Variants in MMUT observed in about 807,000 individuals in gnomAD.
MMUT encodes the protein methylmalonyl-CoA mutase, also known as methylmalonyl-CoA mutase, mitochondrial.
Under a neutral mutation model 79.9 loss-of-function variants are expected in MMUT, and 79 were observed. That is an observed-to-expected ratio of 0.99 (90% confidence interval 0.82 to 1.19). The LOEUF is 1.19. Ranked by LOEUF, MMUT falls within the 50% of genes most tolerant of loss-of-function variation. The pLI, the probability that MMUT is intolerant of heterozygous loss-of-function variation, is 0.00. For synonymous variants in MMUT, 273 were observed against 295.7 expected (o/e 0.92, Z 0.79); for missense variants, 860 against 917.2 (o/e 0.94, Z 0.81).
rs9395492 is a variant in MMUT, at chr6:49,453,894, G to A, written c.912-138C>T. 434,345 of 720,086 alleles carry A rather than the reference G, an allele frequency of 0.6. 132,763 individuals are homozygous for A. Among genetic ancestry groups the A allele is most frequent in the South Asian group, 0.65 (36,509 of 56,452 alleles). 44.6% of individuals were successfully genotyped at this position (720,086 alleles called of 1,614,324 possible). A position where few individuals can be genotyped will look rare whatever the true frequency, so the allele number is the denominator to read the frequency against. On this transcript the variant is annotated intron_variant, in intron 4 of 12. Coordinates refer to ENST00000274813, the MANE Select transcript of MMUT (RefSeq NM_000255.4). ...GAACTTAATTTGAATTAAGATCAGTGCACGTACATTTATGTAACTTTAAAC... is the reference window on the plus strand; with the variant it reads ...GAACTTAATTTGAATTAAGATCAGTACACGTACATTTATGTAACTTTAAAC...
Position 49,444,768 on chromosome 6 carries a change from C to G in MMUT, c.1561-14G>C, listed in dbSNP as rs574196935. 6.3e-7 allele frequency: 1 copy of G among 1,586,674 alleles called. No homozygotes were observed. The highest frequency in any genetic ancestry group is 1.3e-5 in the African/African-American group (1 of 74,392). ...GCTGGATTTGATCTATGGAAAAAGT[C>G]AAGGAAAGGGACAATTTACATGAAG... On this transcript the variant is annotated splice_polypyrimidine_tract_variant and intron_variant, in intron 8 of 12. Coordinates refer to ENST00000274813, the MANE Select transcript of MMUT (RefSeq NM_000255.4).
chr6:49,441,599 T>C (rs1327583654), intron 10 of MMUT, among the ~76,000 whole-genome samples: 6 of 149,450 alleles, frequency 4.0e-5, no homozygotes, highest in East Asian at 1.9e-4. Context: ...AATGATAGTA[T>C]AGATATATAA....
rs548813379 is a variant in MMUT, at chr6:49,431,030, C to G, written c.*698G>C. 6.6e-6 allele frequency: 1 copy of G among 152,318 alleles called. No homozygotes were observed. The highest frequency in any genetic ancestry group is 2.1e-4 in the South Asian group (1 of 4,828). 9.4% of individuals were successfully genotyped at this position (152,318 alleles called of 1,614,324 possible). On this transcript the variant is annotated 3_prime_UTR_variant, in exon 13 of 13. Coordinates refer to ENST00000274813, the MANE Select transcript of MMUT (RefSeq NM_000255.4). ...GACAAAGCCATAACTACAACCTAAG[C>G]ACTTTTATTTAAAGGAATGTTCATC...
In MMUT at chr6:49,459,473, G is replaced by A. The variant is rs751760653; in HGVS notation, c.-7C>T. On this transcript the variant is annotated 5_prime_UTR_variant, in exon 2 of 13. Transcript: ENST00000274813. ...GATTCTTAGCTCTTAACATGGTGGA[G>A]CATGGAAACACCCAATAGAAATAAG... 2 of 1,608,964 alleles carry A rather than the reference G, an allele frequency of 1.2e-6. No homozygotes were observed. The highest frequency in any genetic ancestry group is 1.1e-5 in the South Asian group (1 of 90,988).
intron 6 of MMUT, among the ~76,000 whole-genome samples, chr6:49,449,938 A>G (rs1454279942): frequency 6.6e-6 from 1 of 152,120 alleles, no homozygotes; most frequent in East Asian, 1.9e-4. Flanking sequence ...ATACTATAGA[A>G]AAGATAAGAG....
In MMUT at chr6:49,444,732, G is replaced by A. The variant is rs750355021; in HGVS notation, c.1583C>T (p.Ala528Val). The A allele has an allele frequency of 1.9e-6, 3 of 1,613,150 alleles. No individual in the cohort carries two copies. Among genetic ancestry groups the A allele is most frequent in the Non-Finnish European group, 2.5e-6 (3 of 1,179,306 alleles). ...LKKIKSSRDQ[A>V]LAERCLAALT... is the part of the protein sequence containing the mutation. ...TGCAGCAAGACAACGTTCAGCCAAA[G>A]CTTGATCCCTGCTGGATTTGATCTA... The change falls in exon 9 of 13, where the codon GCT becomes GTT. Residue 528 changes from alanine to valine, a missense_variant. Coordinates refer to ENST00000274813, the MANE Select transcript of MMUT (RefSeq NM_000255.4).
chr6:49,456,259 AACAGTGAATAAGT>A, intron 3 of MMUT, 22 bp from the exon 4 acceptor site: 2 of 1,504,730 alleles, frequency 1.3e-6, no homozygotes, highest in Non-Finnish European at 1.8e-6. Context: ...AAAAAATTGT[AACAGTGAATAAGT>A]AAAAATATTA....
rs1767556193 is a variant in MMUT, at chr6:49,451,639, T to G, written c.1159A>C (p.Thr387Pro). 1 of 1,614,138 alleles carries G rather than the reference T, an allele frequency of 6.2e-7. No individual in the cohort carries two copies. Among genetic ancestry groups the G allele is most frequent in the East Asian group, 2.2e-5 (1 of 44,876 alleles). Reference protein sequence around the residue: ...AVFGGTQSLHTNSFDEALGLP... With the variant: ...AVFGGTQSLHPNSFDEALGLP... ...CCCAAAGCTTCATCAAAAGAATTTGTGTGCAAAGACTGAGTCCCTCCAAAT... is the reference window on the plus strand; with the variant it reads ...CCCAAAGCTTCATCAAAAGAATTTGGGTGCAAAGACTGAGTCCCTCCAAAT... The change falls in exon 6 of 13, where the codon ACA becomes CCA. Residue 387 changes from threonine to proline, a missense_variant. By Grantham distance (38) the Thr-to-Pro change is conservative (BLOSUM62 -1). Coordinates refer to ENST00000274813, the MANE Select transcript of MMUT (RefSeq NM_000255.4).
chr6:49,448,388 T>C (rs1317442505), intron 7 of MMUT, among the ~76,000 whole-genome samples: 1 of 152,086 alleles, frequency 6.6e-6, no homozygotes, highest in African/African-American at 2.4e-5. Flanking sequence ...TTTACTAGAA[T>C]GTAAGATTTG....
intron 5 of MMUT, among the ~76,000 whole-genome samples, chr6:49,453,148 T>C (rs911082243): frequency 4.0e-5 from 6 of 151,780 alleles, no homozygotes; most frequent in Non-Finnish European, 8.8e-5. Context: ...TTCAAGTGAT[T>C]CTCCTACGTC....
chr6:49,449,137 T>C (rs773493696), intron 6 of MMUT, among the ~76,000 whole-genome samples: 2 of 152,130 alleles, frequency 1.3e-5, no homozygotes, highest in African/African-American at 2.4e-5. Flanking sequence ...CTAACAAGTA[T>C]ATTCCAAAAA....
chr6:49,432,808 G>A (rs1424185718), intron 12 of MMUT, among the ~76,000 whole-genome samples: 1 of 152,136 alleles, frequency 6.6e-6, no homozygotes, highest in Non-Finnish European at 1.5e-5. Context: ...ATTGATGTTA[G>A]GATGTGCTAC....
At chr6:49,451,741 C>T in intron 5 of MMUT, 27 bp from the exon 6 acceptor site, 1 of 1,607,204 alleles carries the variant, frequency 6.2e-7, no homozygotes, top group African/African-American at 1.3e-5. Context: ...AAAACAAAAA[C>T]TCAAAGAAAC....
In MMUT at chr6:49,451,542, G is replaced by C. The variant is rs1767552645; in HGVS notation, c.1256C>G (p.Pro419Arg). 1 of 1,613,950 alleles carries C rather than the reference G, an allele frequency of 6.2e-7. No homozygotes were observed. The highest frequency in any genetic ancestry group is 1.3e-5 in the African/African-American group (1 of 74,904). The change falls in exon 6 of 13, where the codon CCC becomes CGC. Residue 419 changes from proline (P) to arginine (R), a missense_variant. Pro to Arg is a moderately radical substitution (Grantham distance 103). Coordinates refer to ENST00000274813, the MANE Select transcript of MMUT (RefSeq NM_000255.4). ...ACCTCCCCAAGGATCAGCCACTTTGGGAATCCCAGATTCTTCTTGAATGAT... is the reference window on the plus strand; with the variant it reads ...ACCTCCCCAAGGATCAGCCACTTTGCGAATCCCAGATTCTTCTTGAATGAT... ...QIIIQEESGI[P>R]KVADPWGGSY...
At chr6:49,443,031 T>TA (rs1183801590) in intron 9 of MMUT, among the ~76,000 whole-genome samples, 14 of 152,154 alleles carry the variant, frequency 9.2e-5, no homozygotes, top group African/African-American at 3.1e-4. Flanking sequence ...CATATTTTTT[T>TA]AAAACTTCAT....
At chr6:49,459,995 GTC>G (rs2127420749) in intron 1 of MMUT, among the ~76,000 whole-genome samples, 1 of 152,260 alleles carries the variant, frequency 6.6e-6, no homozygotes, top group South Asian at 2.1e-4. Context: ...TCATGAACTG[GTC>G]TCTGTTTCCC....
At position 49,458,021 on chromosome 6, in the gene MMUT, C is replaced by T. The variant is rs547142339; in HGVS notation, c.423G>A (p.Ala141=). ...TGTCTGAATCATAGCCACGATGTGT[C>T]GCCAGATCAAAGGCAACTGATAATC... ...QQGLSVAFDL[A]THRGYDSDNP... Residue 141 remains alanine (A), a synonymous_variant, in exon 3 of 13, where the codon GCG becomes GCA. Coordinates refer to ENST00000274813, the MANE Select transcript of MMUT (RefSeq NM_000255.4). 60 of 1,602,670 alleles carry T rather than the reference C, an allele frequency of 3.7e-5. No homozygotes were observed. In the South Asian group the frequency reaches 5.3e-4, roughly 14 times the overall value.
chr6:49,442,593 T>C (rs1767305256), intron 9 of MMUT, among the ~76,000 whole-genome samples: 1 of 152,012 alleles, frequency 6.6e-6, no homozygotes, highest in African/African-American at 2.4e-5. Context: ...CACGCAAAGA[T>C]GGAATGGGCT....
chr6:49,450,815 G>A (rs900033840), intron 6 of MMUT, among the ~76,000 whole-genome samples: 1 of 152,076 alleles, frequency 6.6e-6, no homozygotes, highest in Non-Finnish European at 1.5e-5. Flanking sequence ...TTAAACAGAG[G>A]AGAAATGAAA....
Sources: allele counts gnomAD v4.1 joint callset (sites outside exome capture counted in the v4.1 genomes callset), GRCh38; gene constraint gnomAD v4.1.1; transcripts MANE v1.5; gene names NCBI Gene and HGNC (gene_info 2026-07-23, HGNC 2026-07-21).